The following ERMP1 variants were observed in gnomAD, a reference collection of about 807,000 sequenced individuals.
The protein encoded by ERMP1 is endoplasmic reticulum metallopeptidase 1.
ERMP1 carries 86 observed loss-of-function variants against 92.0 expected under a neutral mutation model. The ratio of observed to expected loss-of-function variants is 0.93; its 90% CI spans 0.79 to 1.12. The LOEUF (loss-of-function observed/expected upper bound fraction) is 1.12. Ranked by LOEUF, ERMP1 falls within the 50% of genes most tolerant of loss-of-function variation. The probability of loss-of-function intolerance (pLI) is 0.00; values close to 1 mark genes in which losing one functional copy is unlikely to be tolerated. For synonymous variants in ERMP1, 530 were observed against 412.8 expected (o/e 1.28, Z -3.44); for missense variants, 1,342 against 1,116.3 (o/e 1.20, Z -2.88).
intron 11 of ERMP1, among the ~76,000 whole-genome samples, chr9:5,800,612 G>C (rs906509889): frequency 6.6e-6 from 1 of 152,132 alleles, no homozygotes; most frequent in East Asian, 1.9e-4. Flanking sequence ...GGGGGCAGAG[G>C]TTGCAGTGAG....
chr9:5,797,647 CAAA>C (rs58936639), intron 13 of ERMP1, among the ~76,000 whole-genome samples, 167 bp downstream of exon 13: 11 of 117,270 alleles, frequency 9.4e-5, no homozygotes, highest in Admixed American at 1.7e-4. Flanking sequence ...GACTCCATCT[CAAA>C]AAAAAAAAAA....
intron 5 of ERMP1, among the ~76,000 whole-genome samples, chr9:5,862,451 G>C (rs954499749): frequency 1.3e-5 from 2 of 152,154 alleles, no homozygotes; most frequent in South Asian, 4.2e-4. Flanking sequence ...TCTCACCTCA[G>C]CCTCCCAAGT....
chr9:5,849,051 T>A (rs1166793058), intron 6 of ERMP1, among the ~76,000 whole-genome samples: 1 of 152,152 alleles, frequency 6.6e-6, no homozygotes, highest in Non-Finnish European at 1.5e-5. Flanking sequence ...TTAGATGGAG[T>A]CTTGCTCTGT....
At chr9:5,811,402 T>C (rs530688711) in intron 6 of ERMP1, 79 bp from the exon 7 acceptor site, 6 of 1,008,636 alleles carry the variant, frequency 5.9e-6, no homozygotes, top group Non-Finnish European at 8.9e-6. Context: ...GATTTACACA[T>C]ACCACTATTT....
At chr9:5,798,160 A>G (rs538635739) in intron 12 of ERMP1, among the ~76,000 whole-genome samples, 32 of 152,102 alleles carry the variant, frequency 2.1e-4, no homozygotes, top group African/African-American at 7.2e-4. Context: ...CACCCATCCT[A>G]TTTCTTCTCA....
intron 13 of ERMP1, among the ~76,000 whole-genome samples, chr9:5,790,517 A>C (rs1828144566): frequency 6.6e-6 from 1 of 152,218 alleles, no homozygotes; most frequent in Admixed American, 6.5e-5. Flanking sequence ...ACAAAGCCAA[A>C]CCCAATCACA....
In ERMP1 at chr9:5,787,065, C is replaced by G; in HGVS notation, c.*79G>C. On this transcript the variant is annotated 3_prime_UTR_variant, in exon 15 of 15. Coordinates refer to ENST00000339450, the MANE Select transcript of ERMP1 (RefSeq NM_024896.3). ...CATTAAAATTCATTGACTTACGTTA[C>G]AAACATCCACGTAACATAGGGAGAA... 1 of 1,370,994 alleles carries G rather than the reference C, an allele frequency of 7.3e-7. No homozygotes were observed. Among genetic ancestry groups the G allele is most frequent in the Non-Finnish European group, 1.0e-6 (1 of 1,002,420 alleles). The allele number at this position is 1,370,994 out of a possible 1,614,324, so 84.9% of individuals were successfully genotyped here. A position where few individuals can be genotyped will look rare whatever the true frequency, so the allele number is the denominator to read the frequency against.
chr9:5,802,216 T>C (rs1455992404), intron 10 of ERMP1, among the ~76,000 whole-genome samples: 3 of 152,174 alleles, frequency 2.0e-5, no homozygotes, highest in South Asian at 2.1e-4. Context: ...GTACTCAGTA[T>C]ACAAATGTGA....
At chr9:5,810,255 T>C in intron 7 of ERMP1, 24 bp from the exon 8 acceptor site, 2 of 1,560,280 alleles carry the variant, frequency 1.3e-6, no homozygotes, top group Middle Eastern at 3.3e-4. Context: ...AACAAAAAGT[T>C]GAAATCACCA....
At chr9:5,791,130 T>C in intron 13 of ERMP1, 1 of 436,628 alleles carries the variant, frequency 2.3e-6, no homozygotes, top group South Asian at 1.6e-5. Flanking sequence ...GAAGTGAACT[T>C]CCTATATTAG....
Position 5,798,798 on chromosome 9 carries a change from G to A in ERMP1, c.2270+8C>T, listed in dbSNP as rs1828551512. 2 of 1,604,016 alleles carry A rather than the reference G, an allele frequency of 1.2e-6. No homozygotes were observed. Among genetic ancestry groups the A allele is most frequent in the Non-Finnish European group, 1.7e-6 (2 of 1,171,154 alleles). On this transcript the variant is annotated splice_region_variant and intron_variant, in intron 12 of 14. Coordinates refer to ENST00000339450, the MANE Select transcript of ERMP1 (RefSeq NM_024896.3). Reference sequence around the variant, plus strand: ...AACTAACCTTAAGCAGAAAAATAATGAACCAACCTGATCAGAAAGTGCACT... The same window carrying A: ...AACTAACCTTAAGCAGAAAAATAATAAACCAACCTGATCAGAAAGTGCACT...
intron 6 of ERMP1, among the ~76,000 whole-genome samples, chr9:5,848,950 G>A (rs945741312): frequency 1.3e-4 from 20 of 152,298 alleles, no homozygotes; most frequent in African/African-American, 3.8e-4. Flanking sequence ...CCTAGCTGAG[G>A]AAACCAAGTG....
chr9:5,807,725 G>T (rs950614845), intron 8 of ERMP1, among the ~76,000 whole-genome samples: 1 of 151,922 alleles, frequency 6.6e-6, no homozygotes, highest in Admixed American at 6.6e-5. Context: ...CAACCTGGGC[G>T]ACAGAGTGAG....
chr9:5,865,535 T>C (rs1311178239), intron 5 of ERMP1, among the ~76,000 whole-genome samples: 1 of 144,604 alleles, frequency 6.9e-6, no homozygotes, highest in Admixed American at 7.0e-5. Flanking sequence ...ATAATAATAA[T>C]AATAATTTAT....
At chr9:5,834,865 T>C (rs1229602608), upstream of ERMP1, among the ~76,000 whole-genome samples, 1 of 151,944 alleles carries the variant, frequency 6.6e-6, no homozygotes, top group East Asian at 1.9e-4. Context: ...ATTATTCAAG[T>C]TACAATCTCA....
rs763567359 is a variant in ERMP1 at position 5,811,237 on chromosome 9, A to C, written c.1201T>G (p.Phe401Val). 1.9e-6 allele frequency: 3 copies of C among 1,614,114 alleles called. 1 individual carries two copies. The highest frequency in any genetic ancestry group is 2.5e-6 in the Non-Finnish European group (3 of 1,179,968). Reference protein sequence around the residue: ...ASKYRHGNMVFFDVLGLFVIA... With the variant: ...ASKYRHGNMVVFDVLGLFVIA... ...ACAAACAGGCCCAGCACATCAAAGAAGACCATGTTTCCATGTCGATACTTA... is the reference window on the plus strand; with the variant it reads ...ACAAACAGGCCCAGCACATCAAAGACGACCATGTTTCCATGTCGATACTTA... Residue 401 changes from phenylalanine to valine, a missense_variant, in exon 7 of 15, where the codon TTC (phenylalanine) becomes GTC (valine). Phe to Val is a conservative substitution (Grantham distance 50, BLOSUM62 -1). Coordinates refer to ENST00000339450, the MANE Select transcript of ERMP1 (RefSeq NM_024896.3).
intron 13 of ERMP1, among the ~76,000 whole-genome samples, chr9:5,796,125 T>A (rs1828415737): frequency 6.6e-6 from 1 of 152,186 alleles, no homozygotes. Context: ...TGTTAAAATA[T>A]CATTTCTTCC....
chr9:5,813,070 T>G, intron 4 of ERMP1, 35 bp from the exon 5 acceptor site: 1 of 1,588,468 alleles, frequency 6.3e-7, no homozygotes. Context: ...TAGAAGGTAT[T>G]CCGGCAATTT....
chr9:5,826,075 C>A (rs898060406), intron 2 of ERMP1, among the ~76,000 whole-genome samples: 2 of 152,092 alleles, frequency 1.3e-5, no homozygotes, highest in South Asian at 2.1e-4. Flanking sequence ...TAGAGAGGAA[C>A]TGATATAGCT....
Sources: allele counts gnomAD v4.1 joint callset (sites outside exome capture counted in the v4.1 genomes callset), GRCh38; gene constraint gnomAD v4.1.1; transcripts MANE v1.5; gene names NCBI Gene and HGNC (gene_info 2026-07-23, HGNC 2026-07-21).